The following TNRC6C variants were observed in gnomAD, a reference collection of about 807,000 sequenced individuals.
TNRC6C encodes trinucleotide repeat containing adaptor 6C.
Under a neutral mutation model 153.7 loss-of-function variants are expected in TNRC6C, and 20 were observed. That is an observed-to-expected ratio of 0.13 (90% confidence interval 0.09 to 0.19). The LOEUF is 0.19. Ranked by LOEUF, TNRC6C falls within the 10% of genes least tolerant of loss-of-function variation. TNRC6C has a pLI of 1.00. For missense variants in TNRC6C, 1,987 were observed against 2,172.0 expected (o/e 0.91, Z 1.69); for synonymous variants, 811 against 841.4 (o/e 0.96, Z 0.63).
intron 1 of TNRC6C, among the ~76,000 whole-genome samples, chr17:77,979,224 A>G (rs897614141): frequency 2.0e-5 from 3 of 152,358 alleles, no homozygotes; most frequent in South Asian, 2.1e-4. Context: ...ATAGTTTACA[A>G]TAATCTTTTG....
At chr17:77,985,743 A>G (rs1014339591) in intron 1 of TNRC6C, among the ~76,000 whole-genome samples, 1 of 152,182 alleles carries the variant, frequency 6.6e-6, no homozygotes, top group African/African-American at 2.4e-5. Context: ...CTTAAGGTCA[A>G]CTGATTTGGG....
At chr17:78,030,314 T>TTGTGTG (rs138986862) in intron 1 of TNRC6C, among the ~76,000 whole-genome samples, 1 of 142,188 alleles carries the variant, frequency 7.0e-6, no homozygotes, top group Admixed American at 7.3e-5. Flanking sequence ...CACACCTGGC[T>TTGTGTG]TGTGTGTGTG....
chr17:77,970,650 G>C (rs894113936), intron 1 of TNRC6C, among the ~76,000 whole-genome samples: 7 of 152,092 alleles, frequency 4.6e-5, no homozygotes, highest in Non-Finnish European at 7.4e-5. Context: ...AAAATACTAT[G>C]AGATTTGTGT....
At chr17:78,102,420 G>A (rs56716957) in intron 17 of TNRC6C, 54 bp from the exon 21 acceptor site, 118,742 of 1,508,224 alleles carry the variant, frequency 0.079, 5,582 homozygotes, top group Admixed American at 0.17. Context: ...GGGGAGGGCC[G>A]CACTATCCAC....
upstream of TNRC6C, among the ~76,000 whole-genome samples, chr17:78,002,693 G>A (rs1056593759): frequency 1.1e-4 from 16 of 152,108 alleles, no homozygotes; most frequent in Admixed American, 3.3e-4. Flanking sequence ...AGGAGTTCGA[G>A]ACTAGCCTGG....
At chr17:78,063,372 G>A (rs1419341975) in intron 3 of TNRC6C, among the ~76,000 whole-genome samples, 5 of 151,854 alleles carry the variant, frequency 3.3e-5, no homozygotes, top group Non-Finnish European at 7.4e-5. Flanking sequence ...TCATCTTCAT[G>A]TTGAGGAGCA....
intron 3 of TNRC6C, among the ~76,000 whole-genome samples, chr17:78,051,948 C>T (rs986758988): frequency 2.0e-5 from 3 of 152,236 alleles, no homozygotes; most frequent in Non-Finnish European, 2.9e-5. Context: ...GACCAGTTCT[C>T]AGCCAGAGGG....
chr17:78,016,392 G>A (rs549503985), intron 1 of TNRC6C, among the ~76,000 whole-genome samples: 2 of 152,228 alleles, frequency 1.3e-5, no homozygotes, highest in Middle Eastern at 3.2e-3. Context: ...CTCCTTGCAC[G>A]GAGGCTGCAT....
chr17:78,104,613 C>T lies in TNRC6C; in HGVS notation c.4841C>T (p.Pro1614Leu), dbSNP rs760357110. Reference sequence around the variant, plus strand: ...CAGTCCAGCAGCGCGTCCAGCCAGCCGCGGCTCAGCGCAGCGGGCAGCTCC... The same window carrying T: ...CAGTCCAGCAGCGCGTCCAGCCAGCTGCGGCTCAGCGCAGCGGGCAGCTCC... Residue 1614 changes from proline to leucine, a missense_variant, in exon 20 of 20, where the codon CCG (proline) becomes CTG (leucine). Transcript: ENST00000301624. This position sits in a 1 kb window ranked among gnomAD's most constrained non-coding sequence, Gnocchi z 6.2. 1.4e-5 allele frequency: 21 copies of T among 1,549,562 alleles called. No individual in the cohort carries two copies. Among genetic ancestry groups the T allele is most frequent in the South Asian group, 3.6e-5 (3 of 84,170 alleles).
At chr17:77,985,603 A>AAAAAAAAAAAAAAAAACAAAAAC (rs1321535708) in intron 1 of TNRC6C, among the ~76,000 whole-genome samples, 1 of 147,600 alleles carries the variant, frequency 6.8e-6, no homozygotes, top group African/African-American at 2.5e-5. Context: ...CTCCGTCTCA[A>AAAAAAAAAAAAAAAAACAAAAAC]AAAAAAAAAA....
chr17:78,102,100 A>G (rs16970829), intron 17 of TNRC6C, among the ~76,000 whole-genome samples: 17,513 of 152,212 alleles, frequency 0.12, 1,236 homozygotes, highest in African/African-American at 0.18. Flanking sequence ...TGTATTAACC[A>G]GAAGAACCTG....
At chr17:77,998,498 C>A (rs1018486635) in intron 1 of TNRC6C, among the ~76,000 whole-genome samples, 2 of 152,148 alleles carry the variant, frequency 1.3e-5, no homozygotes, top group Non-Finnish European at 2.9e-5. Flanking sequence ...TCCTTCAGGT[C>A]CCCGAGGTAC....
At chr17:78,083,327 T>C (rs67866552) in intron 11 of TNRC6C, among the ~76,000 whole-genome samples, 161 bp downstream of exon 13, 2,943 of 152,358 alleles carry the variant, frequency 0.019, 27 homozygotes, top group Middle Eastern at 0.037. Context: ...GAGTTCTCAC[T>C]CAAAGGTGTC....
rs1368728847 is a variant in TNRC6C at position 78,075,660 on chromosome 17, G to C, written c.3060+382G>C. 2.6e-5 allele frequency among the ~76,000 whole-genome samples: 4 copies of C among 151,746 alleles called. 1 individual carries two copies. The highest frequency in any genetic ancestry group is 9.7e-5 in the African/African-American group (4 of 41,040). On this transcript the variant is annotated intron_variant, in intron 8 of 19. Coordinates refer to ENST00000301624, the Ensembl canonical transcript of TNRC6C. This position sits in a 1 kb window ranked among gnomAD's most constrained non-coding sequence, Gnocchi z 4.2. ...TTATCCTCAGGAAAAGGGATTGGAAGTGGTGGGGCTTGGGCACCCATCTCT... is the reference window on the plus strand; with the variant it reads ...TTATCCTCAGGAAAAGGGATTGGAACTGGTGGGGCTTGGGCACCCATCTCT...
At chr17:77,976,932 A>G (rs906714562) in intron 1 of TNRC6C, among the ~76,000 whole-genome samples, 7 of 24,638 alleles carry the variant, frequency 2.8e-4, no homozygotes, top group African/African-American at 4.3e-4. Context: ...TCCATCTCAG[A>G]AAAAAAAAAA....
intron 1 of TNRC6C, among the ~76,000 whole-genome samples, chr17:78,017,885 A>G (rs938585079): frequency 6.6e-6 from 1 of 152,132 alleles, no homozygotes; most frequent in African/African-American, 2.4e-5. Context: ...GACATACTCT[A>G]CCTCGCTAAC....
intron 13 of TNRC6C, among the ~76,000 whole-genome samples, chr17:78,089,281 C>G (rs2073354355): frequency 6.6e-6 from 1 of 152,228 alleles, no homozygotes; most frequent in East Asian, 1.9e-4. Flanking sequence ...TATCTTTACT[C>G]TTAAGGATTT....
chr17:78,096,975 T>C (rs1236492499), intron 16 of TNRC6C, among the ~76,000 whole-genome samples: 1 of 152,218 alleles, frequency 6.6e-6, no homozygotes, highest in Non-Finnish European at 1.5e-5. Flanking sequence ...CTCAAAAAAC[T>C]ACAGTCCTAG....
At position 78,104,859 on chromosome 17, in the gene TNRC6C, C is replaced by G; in HGVS notation, c.*14C>G. The G allele has an allele frequency of 2.8e-6, 4 of 1,415,992 alleles. No homozygotes were observed. Among genetic ancestry groups the G allele is most frequent in the Non-Finnish European group, 3.7e-6 (4 of 1,089,182 alleles). 87.7% of individuals were successfully genotyped at this position (1,415,992 alleles called of 1,614,324 possible). On this transcript the variant is annotated 3_prime_UTR_variant, in exon 20 of 20. Transcript: ENST00000301624. This position sits in a 1 kb window ranked among gnomAD's most constrained non-coding sequence, Gnocchi z 6.2. Reference sequence around the variant, plus strand: ...GAGTCCCTGTAGGCTCTGCCATCATCAGCACCAGGAGAGCCGACCCCTCCC... The same window carrying G: ...GAGTCCCTGTAGGCTCTGCCATCATGAGCACCAGGAGAGCCGACCCCTCCC...
Sources: allele counts gnomAD v4.1 joint callset (sites outside exome capture counted in the v4.1 genomes callset), GRCh38; gene constraint gnomAD v4.1.1; non-coding constraint Gnocchi (gnomAD v3.1); transcripts MANE v1.5; gene names NCBI Gene and HGNC (gene_info 2026-07-23, HGNC 2026-07-21).